Variants in PIBF1 observed in about 807,000 individuals in gnomAD.
PIBF1 encodes the protein progesterone-induced-blocking factor 1.
Under a neutral mutation model 112.5 loss-of-function variants are expected in PIBF1, and 90 were observed. The ratio of observed to expected loss-of-function variants is 0.80; its 90% confidence interval spans 0.67 to 0.95. The LOEUF is 0.95. Among genes scored for constraint, PIBF1 ranks in the 40% least tolerant of loss-of-function variants. PIBF1 has a pLI of 0.00. For missense variants in PIBF1, 915 were observed against 852.3 expected (o/e 1.07, Z -0.92); for synonymous variants, 301 against 288.6 (o/e 1.04, Z -0.44).
At chr13:72,831,502 C>T (rs1005136637) in intron 8 of PIBF1, among the ~76,000 whole-genome samples, 3 of 151,898 alleles carry the variant, frequency 2.0e-5, no homozygotes, top group African/African-American at 7.3e-5. Flanking sequence ...ATCTTTATTT[C>T]TGCCTTCATT....
chr13:72,892,082 ATGC>A, intron 10 of PIBF1, among the ~76,000 whole-genome samples: 1 of 152,150 alleles, frequency 6.6e-6, no homozygotes. Flanking sequence ...GGTAATTAAA[ATGC>A]TTTTAATTAG....
intron 14 of PIBF1, among the ~76,000 whole-genome samples, chr13:72,952,779 A>G (rs182502712): frequency 2.0e-5 from 3 of 150,778 alleles, no homozygotes; most frequent in Non-Finnish European, 4.4e-5. Flanking sequence ...TCAGATGCTG[A>G]TGATAGTAGT....
intron 16 of PIBF1, among the ~76,000 whole-genome samples, chr13:72,987,799 A>G (rs1016091395): frequency 1.6e-4 from 23 of 146,598 alleles, no homozygotes; most frequent in African/African-American, 5.3e-4. Flanking sequence ...AGCATGAGCC[A>G]CCATGCCTGG....
At chr13:72,883,724 A>T (rs1352185945) in intron 10 of PIBF1, among the ~76,000 whole-genome samples, 2 of 152,122 alleles carry the variant, frequency 1.3e-5, no homozygotes, top group East Asian at 3.9e-4. Flanking sequence ...CTGACCTCAA[A>T]TAATCCGCCC....
chr13:72,800,486 G>C (rs1258295353), intron 5 of PIBF1, among the ~76,000 whole-genome samples: 1 of 152,182 alleles, frequency 6.6e-6, no homozygotes, highest in African/African-American at 2.4e-5. Flanking sequence ...TCTGCGACTT[G>C]ATAACAATGT....
Position 72,815,449 on chromosome 13 carries a change from T to C in PIBF1, c.673-6400T>C, listed in dbSNP as rs569223369. On this transcript the variant is annotated intron_variant, in intron 5 of 17. Transcript: ENST00000326291. ...ATCTCTAGCAAGAAAAGAAATTGAT[T>C]CATTTGAAGAAAACTATAAAATCTT... 3.3e-4 allele frequency among the ~76,000 whole-genome samples: 51 copies of C among 152,288 alleles called. No homozygotes were observed. The South Asian group carries it at 0.01, about 31-fold the overall frequency.
intron 16 of PIBF1, among the ~76,000 whole-genome samples, chr13:72,984,216 A>C (rs748615817): frequency 6.6e-6 from 1 of 152,202 alleles, no homozygotes; most frequent in Non-Finnish European, 1.5e-5. Context: ...TTGTATTAAC[A>C]GTGAGAATAT....
intron 5 of PIBF1, among the ~76,000 whole-genome samples, chr13:72,820,046 T>C (rs2036477108): frequency 6.6e-6 from 1 of 152,148 alleles, no homozygotes; most frequent in Admixed American, 6.5e-5. Flanking sequence ...TTGGCTATGA[T>C]CTCTTTGGAA....
rs112051963 is a variant in PIBF1 at position 72,959,370 on chromosome 13, CT to C, written c.1834-5903del. On this transcript the variant is annotated intron_variant, in intron 14 of 17. Transcript: ENST00000326291. ...GAAGTTGTACCAAAGTGTTGCCCCC[CT>C]ATCGGACCTCAAGCAGGCCTTTTTC... Among the ~76,000 whole-genome samples, 13 of 152,218 alleles carry C rather than the reference CT, an allele frequency of 8.5e-5. No homozygotes were observed. In the South Asian group the frequency reaches 2.1e-3, roughly 24 times the overall value.
At chr13:72,921,221 G>C (rs2041278021) in intron 13 of PIBF1, among the ~76,000 whole-genome samples, 1 of 152,030 alleles carries the variant, frequency 6.6e-6, no homozygotes, top group Non-Finnish European at 1.5e-5. Flanking sequence ...TCCTGCCTCA[G>C]CCTCCCAAGT....
At chr13:72,815,085 C>G (rs2036203240) in intron 5 of PIBF1, among the ~76,000 whole-genome samples, 1 of 152,152 alleles carries the variant, frequency 6.6e-6, no homozygotes, top group South Asian at 2.1e-4. Context: ...CTTACTTATA[C>G]TATACCCACT....
Position 72,827,037 on chromosome 13 carries a change from A to G in PIBF1, c.834A>G (p.Val278=). The G allele has an allele frequency of 6.2e-7, 1 of 1,600,046 alleles. No homozygotes were observed. The highest frequency in any genetic ancestry group is 8.5e-7 in the Non-Finnish European group (1 of 1,173,786). ...KSERDALEQE[V]IELRRKHEIL... ...AACGTGATGCACTTGAACAGGAAGTAATTGAGCTTAGGAGAAAACATGAAA... is the reference window on the plus strand; with the variant it reads ...AACGTGATGCACTTGAACAGGAAGTGATTGAGCTTAGGAGAAAACATGAAA... Residue 278 remains valine (V), a synonymous_variant, in exon 7 of 18, where the codon GTA becomes GTG. Coordinates refer to ENST00000326291, the MANE Select transcript of PIBF1 (RefSeq NM_006346.4).
intron 10 of PIBF1, among the ~76,000 whole-genome samples, chr13:72,860,116 G>A (rs2038624554): frequency 6.6e-6 from 1 of 152,284 alleles, no homozygotes; most frequent in East Asian, 1.9e-4. Context: ...GTAGAAATGT[G>A]CTTGTAAAGG....
In PIBF1 at chr13:72,988,683, T is replaced by A. The variant is rs142334086; in HGVS notation, c.2050-10139T>A. Reference sequence around the variant, plus strand: ...TTAATCATGTTAAATAGGATAATGATATTTTGCTATTTTAAAAAATTTTTA... The same window carrying A: ...TTAATCATGTTAAATAGGATAATGAAATTTTGCTATTTTAAAAAATTTTTA... On this transcript the variant is annotated intron_variant, in intron 16 of 17. Transcript: ENST00000326291. Among the ~76,000 whole-genome samples the A allele has an allele frequency of 4.7e-3, 716 of 152,332 alleles. 2 individuals are homozygous for A. Among genetic ancestry groups the A allele is most frequent in the African/African-American group, 0.015 (604 of 41,572 alleles).
intron 5 of PIBF1, among the ~76,000 whole-genome samples, chr13:72,799,782 C>A (rs1201763391): frequency 6.6e-6 from 1 of 152,146 alleles, no homozygotes; most frequent in Non-Finnish European, 1.5e-5. Context: ...CCTCAGCATC[C>A]CTCAAGGACT....
At chr13:72,927,976 T>TATATATATATATACAC (rs2041557935) in intron 13 of PIBF1, among the ~76,000 whole-genome samples, 1 of 81,100 alleles carries the variant, frequency 1.2e-5, no homozygotes, top group African/African-American at 4.0e-5. Flanking sequence ...TATATATATA[T>TATATATATATATACAC]ACATATATAT....
chr13:72,835,583 G>T (rs1256209554), intron 9 of PIBF1, among the ~76,000 whole-genome samples: 1 of 82,190 alleles, frequency 1.2e-5, no homozygotes, highest in Non-Finnish European at 2.3e-5. Flanking sequence ...TGTTATTCCT[G>T]TTATGTCTTT....
chr13:72,832,530 A>G (rs938215643), intron 8 of PIBF1, among the ~76,000 whole-genome samples: 1 of 152,176 alleles, frequency 6.6e-6, no homozygotes, highest in Admixed American at 6.5e-5. Context: ...TACAAAGCTT[A>G]GTTTGGCTGG....
At chr13:72,841,314 T>C (rs1224116589) in intron 9 of PIBF1, among the ~76,000 whole-genome samples, 1 of 152,196 alleles carries the variant, frequency 6.6e-6, no homozygotes, top group Non-Finnish European at 1.5e-5. Flanking sequence ...GACAGAAATG[T>C]TATGGACCCT....
Sources: allele counts gnomAD v4.1 joint callset (sites outside exome capture counted in the v4.1 genomes callset), GRCh38; gene constraint gnomAD v4.1.1; transcripts MANE v1.5; gene names NCBI Gene and HGNC (gene_info 2026-07-23, HGNC 2026-07-21).